NT5C: variants seen among roughly 807,000 people sequenced by gnomAD.
NT5C encodes 5'(3')-deoxyribonucleotidase, cytosolic type.
A neutral mutation model predicts 17.6 loss-of-function variants in NT5C; 14 were observed. The ratio of observed to expected loss-of-function variants is 0.79; its 90% confidence interval spans 0.52 to 1.24. NT5C has a LOEUF of 1.24. NT5C is among the 50% of genes most tolerant of loss of function. NT5C has a pLI of 0.00. For missense variants in NT5C, 328 were observed against 278.3 expected (o/e 1.18, Z -1.27); for synonymous variants, 153 against 119.2 (o/e 1.28, Z -1.85).
intron 4 of NT5C, 40 bp from the exon 5 acceptor site, chr17:75,130,682 G>A: frequency 1.2e-6 from 2 of 1,613,906 alleles, no homozygotes; most frequent in Non-Finnish European, 8.5e-7. Context: ...TCTGTCATGG[G>A]TATTATTACT....
At position 75,131,069 on chromosome 17, in the gene NT5C, C is replaced by T. The variant is rs143772693; in HGVS notation, c.312G>A (p.Lys104=). 4.3e-6 allele frequency: 7 copies of T among 1,612,976 alleles called. No individual in the cohort carries two copies. The African/African-American group carries it at 9.3e-5, about 22-fold the overall frequency. The change falls in exon 3 of 5, where the codon AAG becomes AAA. Residue 104 remains lysine, a synonymous_variant. Coordinates refer to ENST00000245552, the MANE Select transcript of NT5C (RefSeq NM_014595.3). The part of the protein sequence containing the change: ...QVFICTSPLL[K]YHHCVGEKYR... The stretch of plus-strand genomic sequence containing the variant: ...CCTTCTCACCCACACAGTGGTGGTA[C>T]TTCAGCAGGGGGCTGGTGCAGATGA...
At chr17:75,131,442 G>A in intron 1 of NT5C, 92 bp downstream of exon 1, 2 of 1,415,750 alleles carry the variant, frequency 1.4e-6, no homozygotes, top group Non-Finnish European at 9.4e-7. Flanking sequence ...GCGGGTTCCA[G>A]GGTGAGAGCT....
chr17:75,131,009 A>G, intron 3 of NT5C, 36 bp downstream of exon 3: 1 of 1,608,012 alleles, frequency 6.2e-7, no homozygotes, highest in Middle Eastern at 1.7e-4. Flanking sequence ...GGATTTAGGC[A>G]GCTCCACGTG....
chr17:75,130,467 T>G lies in NT5C; in HGVS notation c.*21A>C. ...GGCCTGCCCTTCCTTTAGCTCCAGC[T>G]GCTGCCCGCGGCATCCCCGCTCATT... On this transcript the variant is annotated 3_prime_UTR_variant, in exon 5 of 5. Transcript: ENST00000245552. 6.2e-7 allele frequency: 1 copy of G among 1,612,648 alleles called. No homozygotes were observed. Among genetic ancestry groups the G allele is most frequent in the East Asian group, 2.2e-5 (1 of 44,872 alleles).
chr17:75,131,700 C>A lies in NT5C; in HGVS notation c.8G>T (p.Arg3Leu). 7.8e-7 allele frequency: 1 copy of A among 1,284,772 alleles called. No homozygotes were observed. Among genetic ancestry groups the A allele is most frequent in the Non-Finnish European group, 9.8e-7 (1 of 1,016,766 alleles). The allele number at this position is 1,284,772 out of a possible 1,614,324, so 79.6% of individuals were successfully genotyped here. ...CATGTCCACCAGCACGCGCACGCTC[C>A]GCGCCATCGCCGCCGGGCCGGAGCT... MA[R>L]SVRVLVDMDG... Residue 3 changes from arginine (R) to leucine (L), a missense_variant, in exon 1 of 5, where the codon CGG becomes CTG. Arg to Leu is a moderately radical substitution (Grantham distance 102). Coordinates refer to ENST00000245552, the MANE Select transcript of NT5C (RefSeq NM_014595.3).
rs1342894137 is a variant in NT5C at position 75,130,483 on chromosome 17, C to T, written c.*5G>A. ...AGCTCCAGCTGCTGCCCGCGGCATC[C>T]CCGCTCATTCCCGCTGCGCAGCTCC... On this transcript the variant is annotated 3_prime_UTR_variant, in exon 5 of 5. Coordinates refer to ENST00000245552, the MANE Select transcript of NT5C (RefSeq NM_014595.3). 1.2e-6 allele frequency: 2 copies of T among 1,613,072 alleles called. No homozygotes were observed. The highest frequency in any genetic ancestry group is 3.3e-5 in the Admixed American group (2 of 60,022).
At position 75,130,400 on chromosome 17, in the gene NT5C, A is replaced by C; in HGVS notation, c.*88T>G. 6.6e-7 allele frequency: 1 copy of C among 1,513,036 alleles called. No individual in the cohort carries two copies. Among genetic ancestry groups the C allele is most frequent in the Non-Finnish European group, 9.0e-7 (1 of 1,110,024 alleles). The allele number at this position is 1,513,036 out of a possible 1,614,324, so 93.7% of individuals were successfully genotyped here. Reference sequence around the variant, plus strand: ...TCCACTCCACGGGGCCAGAGGCACCAGCACGATGCCGCCCCGACTCGGCTC... The same window carrying C: ...TCCACTCCACGGGGCCAGAGGCACCCGCACGATGCCGCCCCGACTCGGCTC... On this transcript the variant is annotated 3_prime_UTR_variant, in exon 5 of 5. Coordinates refer to ENST00000245552, the MANE Select transcript of NT5C (RefSeq NM_014595.3).
chr17:75,131,509 C>T (rs550124499), intron 1 of NT5C, 25 bp downstream of exon 1: 5 of 1,417,192 alleles, frequency 3.5e-6, no homozygotes, highest in Non-Finnish European at 4.6e-6. Context: ...GGGCCCTGCC[C>T]GGGTGGGGAC....
At position 75,130,471 on chromosome 17, in the gene NT5C, G is replaced by GCC. The variant is rs751567104; in HGVS notation, c.*15_*16dup. On this transcript the variant is annotated 3_prime_UTR_variant, in exon 5 of 5. Coordinates refer to ENST00000245552, the MANE Select transcript of NT5C (RefSeq NM_014595.3). ...TGCCCTTCCTTTAGCTCCAGCTGCTGCCCGCGGCATCCCCGCTCATTCCCG... is the reference window on the plus strand; with the variant it reads ...TGCCCTTCCTTTAGCTCCAGCTGCTGCCCCCGCGGCATCCCCGCTCATTCCCG... 3 of 1,612,918 alleles carry GCC rather than the reference G, an allele frequency of 1.9e-6. No homozygotes were observed. The highest frequency in any genetic ancestry group is 2.5e-6 in the Non-Finnish European group (3 of 1,179,470).
At position 75,131,065 on chromosome 17, in the gene NT5C, G is replaced by T. The variant is rs1258554964; in HGVS notation, c.316C>A (p.His106Asn). 6.2e-7 allele frequency: 1 copy of T among 1,613,006 alleles called. No individual in the cohort carries two copies. The highest frequency in any genetic ancestry group is 8.5e-7 in the Non-Finnish European group (1 of 1,179,656). ...CACACCTTCTCACCCACACAGTGGT[G>T]GTACTTCAGCAGGGGGCTGGTGCAG... is the stretch of plus-strand genomic sequence containing the variant. ...FICTSPLLKY[H>N]HCVGEKYRWV... The change falls in exon 3 of 5, where the codon CAC becomes AAC. Residue 106 changes from histidine (H) to asparagine (N), a missense_variant. Transcript: ENST00000245552.
Position 75,131,584 on chromosome 17 carries a change from G to A in NT5C, c.124C>T (p.Arg42Cys). Residue 42 changes from arginine to cysteine, a missense_variant, in exon 1 of 5, where the codon CGC becomes TGC. Physicochemically the swap from Arg to Cys is radical, Grantham distance 180 (BLOSUM62 -3). Transcript: ENST00000245552. ...TACTGCTCGCGGGCCAGGAAGCCGC[G>A]GCGTTGCTCCAGCGGCACGTGCGGC... is the stretch of plus-strand genomic sequence containing the variant. ...EEPHVPLEQRRGFLAREQYRA... is the reference protein window; with the variant it reads ...EEPHVPLEQRCGFLAREQYRA... 1 of 1,395,200 alleles carries A rather than the reference G, an allele frequency of 7.2e-7. No homozygotes were observed. Among genetic ancestry groups the A allele is most frequent in the South Asian group, 1.6e-5 (1 of 63,082 alleles). 86.4% of individuals were successfully genotyped at this position (1,395,200 alleles called of 1,614,324 possible). A position where few individuals can be genotyped will look rare whatever the true frequency, so the allele number is the denominator to read the frequency against.
In NT5C at chr17:75,131,551, G is replaced by A. The variant is rs2074126215; in HGVS notation, c.157C>T (p.Leu53=). The change falls in exon 1 of 5, where the codon CTG becomes TTG. Residue 53 remains leucine (L), a synonymous_variant. Coordinates refer to ENST00000245552, the MANE Select transcript of NT5C (RefSeq NM_014595.3). ...GFLAREQYRA[L]RPDLADKVAS... ...CCCCCTACCGCCAGGTCGGGCCGCA[G>A]GGCGCGGTACTGCTCGCGGGCCAGG... 7.1e-7 allele frequency: 1 copy of A among 1,415,326 alleles called. No individual in the cohort carries two copies. The highest frequency in any genetic ancestry group is 9.1e-7 in the Non-Finnish European group (1 of 1,093,734). The allele number at this position is 1,415,326 out of a possible 1,614,324, so 87.7% of individuals were successfully genotyped here.
Position 75,130,479 on chromosome 17 carries a change from C to T in NT5C, c.*9G>A, listed in dbSNP as rs372385448. On this transcript the variant is annotated 3_prime_UTR_variant, in exon 5 of 5. Transcript: ENST00000245552. ...CTTTAGCTCCAGCTGCTGCCCGCGG[C>T]ATCCCCGCTCATTCCCGCTGCGCAG... 6.0e-5 allele frequency: 97 copies of T among 1,612,462 alleles called. No homozygotes were observed. The highest frequency in any genetic ancestry group is 7.9e-5 in the Non-Finnish European group (93 of 1,179,360).
At position 75,130,574 on chromosome 17, in the gene NT5C, G is replaced by A. The variant is rs755091333; in HGVS notation, c.520C>T (p.Pro174Ser). The A allele has an allele frequency of 6.2e-7, 1 of 1,614,210 alleles. No homozygotes were observed. Among genetic ancestry groups the A allele is most frequent in the East Asian group, 2.2e-5 (1 of 44,894 alleles). ...TCCHNRHLVL[P>S]PTRRRLLSWS... is the part of the protein sequence containing the mutation. ...GAGAGCAGCCGTCTCCTTGTCGGGG[G>A]CAGGACCAGGTGCCGATTGTGGCAG... Residue 174 changes from proline to serine, a missense_variant, in exon 5 of 5, where the codon CCC becomes TCC. By Grantham distance (74) the Pro-to-Ser change is moderately conservative. Transcript: ENST00000245552.
chr17:75,130,404 C>G lies in NT5C; in HGVS notation c.*84G>C. ...CTCCACGGGGCCAGAGGCACCAGCA[C>G]GATGCCGCCCCGACTCGGCTCTGCG... On this transcript the variant is annotated 3_prime_UTR_variant, in exon 5 of 5. Coordinates refer to ENST00000245552, the MANE Select transcript of NT5C (RefSeq NM_014595.3). The G allele has an allele frequency of 6.5e-7, 1 of 1,530,612 alleles. No homozygotes were observed. Among genetic ancestry groups the G allele is most frequent in the South Asian group, 1.2e-5 (1 of 83,622 alleles). 94.8% of individuals were successfully genotyped at this position (1,530,612 alleles called of 1,614,324 possible).
At position 75,131,564 on chromosome 17, in the gene NT5C, C is replaced by A; in HGVS notation, c.144G>T (p.Glu48Asp). ...GGTCGGGCCGCAGGGCGCGGTACTG[C>A]TCGCGGGCCAGGAAGCCGCGGCGTT... Reference protein sequence around the residue: ...LEQRRGFLAREQYRALRPDLA... With the variant: ...LEQRRGFLARDQYRALRPDLA... Residue 48 changes from glutamate to aspartate, a missense_variant, in exon 1 of 5, where the codon GAG becomes GAT. Coordinates refer to ENST00000245552, the MANE Select transcript of NT5C (RefSeq NM_014595.3). The A allele has an allele frequency of 7.2e-7, 1 of 1,396,786 alleles. No individual in the cohort carries two copies. Among genetic ancestry groups the A allele is most frequent in the Non-Finnish European group, 9.2e-7 (1 of 1,084,574 alleles). 86.5% of individuals were successfully genotyped at this position (1,396,786 alleles called of 1,614,324 possible).
intron 1 of NT5C, 56 bp from the exon 2 acceptor site, chr17:75,131,337 AGGCTCCTGGG>A: frequency 6.3e-7 from 1 of 1,574,890 alleles, no homozygotes; most frequent in Admixed American, 1.7e-5. Context: ...ACCCGCAGGG[AGGCTCCTGGG>A]GGCTCCGGGC....
intron 4 of NT5C, 31 bp downstream of exon 4, chr17:75,130,722 C>T (rs1488201730): frequency 1.9e-6 from 3 of 1,613,730 alleles, no homozygotes; most frequent in Admixed American, 1.7e-5. Context: ...AGGCCAGAGG[C>T]CTGGAGGCTG....
rs1357340977 is a variant in NT5C at position 75,130,632 on chromosome 17, C to A, written c.462G>T (p.Glu154Asp). The change falls in exon 5 of 5, where the codon GAG becomes GAT. Residue 154 changes from glutamate to aspartate, a missense_variant. By Grantham distance (45) the Glu-to-Asp change is conservative. Transcript: ENST00000245552. ...ACAAGATGTGCTCCCAGCTTGGGGT[C>A]TCCTCCTGGCCTAGGACAGTGAAAG... ...DDKDTVRGQE[E>D]TPSWEHILFT... 3.8e-6 allele frequency: 6 copies of A among 1,575,870 alleles called. No individual in the cohort carries two copies. The African/African-American group carries it at 6.0e-5, about 16-fold the overall frequency.
Sources: allele counts gnomAD v4.1 joint callset, GRCh38; gene constraint gnomAD v4.1.1; transcripts MANE v1.5; gene names NCBI Gene and HGNC (gene_info 2026-07-23, HGNC 2026-07-21).